The following PTCH1 variants were observed in gnomAD, a reference collection of about 807,000 sequenced individuals.
PTCH1 encodes patched 1.
A neutral mutation model predicts 144.6 loss-of-function variants in PTCH1; 14 were observed. That is an observed-to-expected ratio of 0.10 (90% CI 0.06 to 0.15). The LOEUF (loss-of-function observed/expected upper bound fraction) is 0.15. Among genes scored for constraint, PTCH1 ranks in the 10% least tolerant of loss-of-function variants. The probability of loss-of-function intolerance (pLI) is 1.00; values close to 1 mark genes in which losing one functional copy is unlikely to be tolerated. For missense variants in PTCH1, 1,623 were observed against 1,948.3 expected (o/e 0.83, Z 3.14); for synonymous variants, 833 against 793.6 (o/e 1.05, Z -0.83).
chr9:95,471,864 C>T (rs1372180845), intron 12 of PTCH1, among the ~76,000 whole-genome samples: 2 of 152,180 alleles, frequency 1.3e-5, no homozygotes, highest in Non-Finnish European at 2.9e-5. Context: ...CATGGAGAAA[C>T]CCATCTCTAC....
At chr9:95,451,005 G>GC (rs56116171) in intron 20 of PTCH1, 1 of 106,992 alleles carries the variant, frequency 9.3e-6, no homozygotes, top group Non-Finnish European at 2.5e-5. Flanking sequence ...GTTCTGGGAA[G>GC]GGGGGGGCAA....
chr9:95,507,871 C>G, intron 1 of PTCH1: 2 of 1,230,666 alleles, frequency 1.6e-6, no homozygotes, highest in South Asian at 3.2e-5. Context: ...CTTTCCAGTG[C>G]TCCGGAAAAG....
In PTCH1 at chr9:95,447,176, G is replaced by T. The variant is rs62637631; in HGVS notation, c.4080C>A (p.Ser1360=). The part of the protein sequence containing the change: ...RNPASTAMGS[S]VPGYCQPITT... ...TGATGGGCTGGCAGTAGCCGGGCACGGAGCTGCCCATGGCAGTGGACGCTG... is the reference window on the plus strand; with the variant it reads ...TGATGGGCTGGCAGTAGCCGGGCACTGAGCTGCCCATGGCAGTGGACGCTG... The change falls in exon 23 of 24, where the codon TCC becomes TCA. Residue 1360 remains serine, a synonymous_variant. Transcript: ENST00000331920. The T allele has an allele frequency of 8.1e-6, 13 of 1,612,966 alleles. No homozygotes were observed. The highest frequency in any genetic ancestry group is 8.5e-7 in the Non-Finnish European group (1 of 1,179,936).
chr9:95,481,897 C>T (rs1203197060), intron 5 of PTCH1, 52 bp downstream of exon 5: 5 of 1,434,536 alleles, frequency 3.5e-6, no homozygotes, highest in Non-Finnish European at 4.9e-6. Context: ...ACATTAGAAA[C>T]ACTGAGTCCT....
At position 95,459,770 on chromosome 9, in the gene PTCH1, C is replaced by T. The variant is rs764310195; in HGVS notation, c.2717G>A (p.Arg906His). The T allele has an allele frequency of 6.2e-6, 10 of 1,614,024 alleles. No homozygotes were observed. Among genetic ancestry groups the T allele is most frequent in the African/African-American group, 1.3e-5 (1 of 74,924 alleles). ...PIDISQLTKQ[R>H]LVDADGIINP... ...AATGATGCCATCTGCATCCACCAGA[C>T]GCTGTTTAGTCAACTACAAAAACGG... The change falls in exon 17 of 24, where the codon CGT becomes CAT. Residue 906 changes from arginine (R) to histidine (H), a missense_variant. By Grantham distance (29) the Arg-to-His change is conservative (BLOSUM62 0). Coordinates refer to ENST00000331920, the MANE Select transcript of PTCH1 (RefSeq NM_000264.5).
chr9:95,476,733 G>A lies in PTCH1; in HGVS notation c.1602+26C>T, dbSNP rs765685103. 1.9e-6 allele frequency: 3 copies of A among 1,595,934 alleles called. No homozygotes were observed. Among genetic ancestry groups the A allele is most frequent in the South Asian group, 2.2e-5 (2 of 89,728 alleles). On this transcript the variant is annotated intron_variant, in intron 11 of 23. Transcript: ENST00000331920. The surrounding 1 kb of genome is among the most constrained non-coding windows in gnomAD (Gnocchi z 4.6). ...CAGAGGAAGCTGTGATGTCCCCAAA[G>A]CTCTCTTCTTTTGTTTTTGCATTAC...
rs1042453863 is a variant in PTCH1, at chr9:95,450,195, T to G, written c.3450-255A>C. Reference sequence around the variant, plus strand: ...TGAAGGGAAGAAAAAAAAAATTAGTTTGTTAATTTGCTGAACTCTGATGGC... The same window carrying G: ...TGAAGGGAAGAAAAAAAAAATTAGTGTGTTAATTTGCTGAACTCTGATGGC... On this transcript the variant is annotated intron_variant, in intron 20 of 23. Transcript: ENST00000331920. 7.8e-6 allele frequency: 4 copies of G among 514,168 alleles called. No homozygotes were observed. In the East Asian group the frequency reaches 1.4e-4, roughly 18 times the overall value. The allele number at this position is 514,168 out of a possible 1,614,324, so 31.9% of individuals were successfully genotyped here.
At chr9:95,453,851 C>A (rs1294327169) in intron 19 of PTCH1, among the ~76,000 whole-genome samples, 1 of 152,204 alleles carries the variant, frequency 6.6e-6, no homozygotes, top group Non-Finnish European at 1.5e-5. Context: ...ACAGTAAAAT[C>A]AAAACTATAT....
At chr9:95,483,508 C>T (rs1280947040) in intron 3 of PTCH1, 7 of 152,026 alleles carry the variant, frequency 4.6e-5, no homozygotes, top group African/African-American at 1.5e-4. Flanking sequence ...ACCCAAGGAG[C>T]TTACTGTGTC....
intron 2 of PTCH1, among the ~76,000 whole-genome samples, chr9:95,504,130 G>C (rs1486395380): frequency 6.7e-6 from 1 of 148,872 alleles, no homozygotes; most frequent in Non-Finnish European, 1.5e-5. Flanking sequence ...CCTGGTACAT[G>C]GCAGTTGCTC....
At chr9:95,471,494 G>T (rs1588583486) in intron 12 of PTCH1, among the ~76,000 whole-genome samples, 1 of 152,216 alleles carries the variant, frequency 6.6e-6, no homozygotes, top group South Asian at 2.1e-4. Flanking sequence ...TGTGACAAGA[G>T]AATTTACCTG....
intron 22 of PTCH1, 86 bp downstream of exon 22, chr9:95,448,983 C>T (rs1317554564): frequency 6.3e-6 from 10 of 1,575,596 alleles, no homozygotes; most frequent in Admixed American, 1.7e-5. Context: ...TGATGTGCTG[C>T]TCAGCAGACA....
chr9:95,507,131 G>A (rs1843737085), intron 1 of PTCH1: 1 of 974,686 alleles, frequency 1.0e-6, no homozygotes, highest in South Asian at 4.8e-5. Flanking sequence ...TCCACGTGGT[G>A]AGCGCGGCCG....
chr9:95,494,511 C>T (rs1345151356), intron 2 of PTCH1: 2 of 928,212 alleles, frequency 2.2e-6, no homozygotes, highest in Non-Finnish European at 2.6e-6. Flanking sequence ...GTCTTCCATC[C>T]GGAACAGCGT....
chr9:95,449,032 G>A lies in PTCH1; in HGVS notation c.3804+37C>T. On this transcript the variant is annotated intron_variant, in intron 22 of 23. Transcript: ENST00000331920. The surrounding 1 kb of genome is among the most constrained non-coding windows in gnomAD (Gnocchi z 5.3). ...GACCTCCAGGCCCACTACCACGGTG[G>A]GAAGACCCCTCCCCCTGGTTCTGCA... 7 of 1,612,404 alleles carry A rather than the reference G, an allele frequency of 4.3e-6. No individual in the cohort carries two copies. Among genetic ancestry groups the A allele is most frequent in the Non-Finnish European group, 5.9e-6 (7 of 1,178,636 alleles).
chr9:95,461,781 G>T (rs2136684872), intron 16 of PTCH1, 75 bp downstream of exon 16: 1 of 1,588,900 alleles, frequency 6.3e-7, no homozygotes. Flanking sequence ...GGGGTCACAC[G>T]CTGTCAAGCA....
At chr9:95,446,496 C>T (rs1021307346) in intron 23 of PTCH1, 105 bp from the exon 24 acceptor site, 34 of 480,660 alleles carry the variant, frequency 7.1e-5, no homozygotes, top group African/African-American at 2.3e-4. Context: ...TTAGAAATCA[C>T]GAGAGTGGGG....
At chr9:95,507,373 C>T (rs1843765550) in intron 1 of PTCH1, 3 of 985,460 alleles carry the variant, frequency 3.0e-6, no homozygotes, top group Non-Finnish European at 3.6e-6. Flanking sequence ...ATTTCCCCGG[C>T]GCTGGCCGCG....
intron 5 of PTCH1, among the ~76,000 whole-genome samples, chr9:95,481,448 G>A (rs1184562234): frequency 6.6e-6 from 1 of 152,166 alleles, no homozygotes; most frequent in East Asian, 1.9e-4. Context: ...CTGCTAAACG[G>A]TGAAACATTC....
Sources: allele counts gnomAD v4.1 joint callset (sites outside exome capture counted in the v4.1 genomes callset), GRCh38; gene constraint gnomAD v4.1.1; non-coding constraint Gnocchi (gnomAD v3.1); transcripts MANE v1.5; gene names NCBI Gene and HGNC (gene_info 2026-07-23, HGNC 2026-07-21).